Variants in CDH8 observed in about 807,000 individuals in gnomAD.
CDH8 encodes cadherin 8, also known as cadherin-8.
Under a neutral mutation model 68.1 loss-of-function variants are expected in CDH8, and 17 were observed. The observed-to-expected ratio is 0.25, with a 90% confidence interval of 0.17 to 0.37. The LOEUF (loss-of-function observed/expected upper bound fraction) is 0.37. Ranked by LOEUF, CDH8 falls within the 10% of genes least tolerant of loss-of-function variation. CDH8 has a pLI of 1.00. For missense variants in CDH8, 763 were observed against 999.3 expected (o/e 0.76, Z 3.19); for synonymous variants, 372 against 365.1 (o/e 1.02, Z -0.21).
At chr16:61,662,109 A>G (rs1205674154) in intron 10 of CDH8, among the ~76,000 whole-genome samples, 1 of 54,762 alleles carries the variant, frequency 1.8e-5, no homozygotes, top group Non-Finnish European at 3.9e-5. Flanking sequence ...TTTTTTGGTT[A>G]ATTTGTTTGT....
intron 2 of CDH8, among the ~76,000 whole-genome samples, chr16:62,011,683 T>C (rs1322944256): frequency 6.7e-6 from 1 of 149,634 alleles, no homozygotes; most frequent in Non-Finnish European, 1.5e-5. Flanking sequence ...TTAAAACAGA[T>C]TCTGATTCAA....
chr16:62,022,521 C>A (rs139223584), intron 1 of CDH8, among the ~76,000 whole-genome samples: 1 of 152,130 alleles, frequency 6.6e-6, no homozygotes, highest in Non-Finnish European at 1.5e-5. Flanking sequence ...TTACCCTCAG[C>A]GTGGCAAAAT....
intron 11 of CDH8, 125 bp downstream of exon 11, chr16:61,655,345 G>A (rs975350712): frequency 2.2e-6 from 2 of 891,464 alleles, no homozygotes; most frequent in African/African-American, 3.4e-5. Flanking sequence ...TGTGGAGAAG[G>A]AAAGGAAGTT....
chr16:61,675,627 T>A (rs74844284), intron 10 of CDH8, among the ~76,000 whole-genome samples: 907 of 43,678 alleles, frequency 0.021, 29 homozygotes, highest in Admixed American at 0.12. Flanking sequence ...ATAAAAAAAA[T>A]AAAAAAAAAT....
intron 2 of CDH8, among the ~76,000 whole-genome samples, chr16:61,925,361 T>G (rs1964440850): frequency 6.6e-6 from 1 of 152,244 alleles, no homozygotes; most frequent in Admixed American, 6.5e-5. Context: ...AGATACTCAT[T>G]GTTTCTCCTT....
intron 10 of CDH8, among the ~76,000 whole-genome samples, chr16:61,658,550 G>T (rs1963496148): frequency 6.6e-6 from 1 of 151,872 alleles, no homozygotes; most frequent in Non-Finnish European, 1.5e-5. Flanking sequence ...AAATTTTTAT[G>T]CATCCTCATT....
chr16:61,762,961 T>C (rs1407023600), intron 8 of CDH8, among the ~76,000 whole-genome samples: 5 of 152,084 alleles, frequency 3.3e-5, no homozygotes, highest in Admixed American at 3.3e-4. Flanking sequence ...GAACAACTAT[T>C]ATATGCAGTC....
intron 7 of CDH8, among the ~76,000 whole-genome samples, chr16:61,807,377 A>G (rs1961814570): frequency 6.6e-6 from 1 of 151,298 alleles, no homozygotes; most frequent in Non-Finnish European, 1.5e-5. Flanking sequence ...ATGCTAGATG[A>G]CAAGTTAGTG....
In CDH8 at chr16:61,919,248, A is replaced by C. The variant is rs1040794371; in HGVS notation, c.253-17775T>G. ...AACAGAAAAACTGGAAACTCTAAAA[A>C]GCAGAGCGCCTCTCCTCCTCCAAAG... is the stretch of plus-strand genomic sequence containing the variant. On this transcript the variant is annotated intron_variant, in intron 2 of 11. Transcript: ENST00000577390. Among the ~76,000 whole-genome samples the C allele has an allele frequency of 5.9e-4, 87 of 148,026 alleles. 2 individuals carry two copies. The highest frequency in any genetic ancestry group is 6.6e-4 in the South Asian group (3 of 4,512).
chr16:61,868,248 G>A (rs1018374951), intron 3 of CDH8, among the ~76,000 whole-genome samples: 11 of 152,132 alleles, frequency 7.2e-5, no homozygotes, highest in Non-Finnish European at 1.5e-4. Context: ...CAAATGCAGA[G>A]AATATGAACT....
At chr16:61,939,953 A>G (rs1010241098) in intron 2 of CDH8, among the ~76,000 whole-genome samples, 6 of 152,178 alleles carry the variant, frequency 3.9e-5, no homozygotes, top group African/African-American at 1.4e-4. Context: ...TTTAGCTAGA[A>G]ATACCTGGCT....
intron 2 of CDH8, among the ~76,000 whole-genome samples, chr16:61,910,348 A>G (rs976381510): frequency 7.9e-5 from 12 of 152,022 alleles, no homozygotes; most frequent in African/African-American, 2.6e-4. Context: ...CAAAAAAAAA[A>G]AAAAGGCAAC....
At position 61,731,626 on chromosome 16, in the gene CDH8, C is replaced by T. The variant is rs150281644; in HGVS notation, c.1415-4411G>A. 4.6e-5 allele frequency among the ~76,000 whole-genome samples: 7 copies of T among 151,828 alleles called. No homozygotes were observed. The East Asian group carries it at 1.4e-3, about 29-fold the overall frequency. On this transcript the variant is annotated intron_variant, in intron 8 of 11. Coordinates refer to ENST00000577390, the MANE Select transcript of CDH8 (RefSeq NM_001796.5). ...CTAAAACAATTCAGCAAGTCACAAACAAGTGAGTAATAATTCCAAACTCCA... is the reference window on the plus strand; with the variant it reads ...CTAAAACAATTCAGCAAGTCACAAATAAGTGAGTAATAATTCCAAACTCCA...
At chr16:61,716,213 A>G (rs1964726476) in intron 9 of CDH8, among the ~76,000 whole-genome samples, 1 of 151,668 alleles carries the variant, frequency 6.6e-6, no homozygotes, top group Non-Finnish European at 1.5e-5. Flanking sequence ...AATACCATTC[A>G]TACTATTTTC....
chr16:62,009,738 G>A (rs1453918812), intron 2 of CDH8, among the ~76,000 whole-genome samples: 1 of 152,056 alleles, frequency 6.6e-6, no homozygotes, highest in Admixed American at 6.6e-5. Flanking sequence ...TTACACTCTG[G>A]TCACCAAGCC....
intron 10 of CDH8, among the ~76,000 whole-genome samples, chr16:61,678,399 C>T (rs1004164207): frequency 6.6e-6 from 1 of 152,052 alleles, no homozygotes; most frequent in Non-Finnish European, 1.5e-5. Flanking sequence ...GAAACTGCAA[C>T]TTCCTCTCAA....
intron 2 of CDH8, among the ~76,000 whole-genome samples, chr16:61,906,862 C>A (rs1964071127): frequency 6.6e-6 from 1 of 152,136 alleles, no homozygotes; most frequent in Admixed American, 6.5e-5. Context: ...CATATGTATT[C>A]AAATTTAGCA....
At chr16:61,683,475 A>G (rs775082824) in intron 10 of CDH8, among the ~76,000 whole-genome samples, 5 of 152,016 alleles carry the variant, frequency 3.3e-5, no homozygotes, top group Admixed American at 6.6e-5. Flanking sequence ...AAGTCATTGA[A>G]GCATACATTT....
At chr16:61,972,304 G>T in intron 2 of CDH8, among the ~76,000 whole-genome samples, 1 of 152,080 alleles carries the variant, frequency 6.6e-6, no homozygotes, top group Non-Finnish European at 1.5e-5. Context: ...ATCCAGTCTT[G>T]CATATGTCTT....
Sources: gnomAD v4.1 joint callset for allele counts (sites outside exome capture counted in the v4.1 genomes callset) on GRCh38, gnomAD v4.1.1 for gene constraint, MANE v1.5 for transcripts, NCBI Gene and HGNC (gene_info 2026-07-23, HGNC 2026-07-21) for gene names.